Variants in OXR1 observed in about 807,000 individuals in gnomAD.
OXR1 encodes the protein oxidation resistance protein 1.
In OXR1, 41 loss-of-function variants were observed where a neutral mutation model predicts 104.6. That is an observed-to-expected ratio of 0.39 (90% CI 0.31 to 0.51). The LOEUF (loss-of-function observed/expected upper bound fraction) is 0.51. Ranked by LOEUF, OXR1 falls within the 20% of genes least tolerant of loss-of-function variation. The probability of loss-of-function intolerance (pLI) is 0.77; values close to 1 mark genes in which losing one functional copy is unlikely to be tolerated. For missense variants in OXR1, 955 were observed against 1,031.9 expected (o/e 0.93, Z 1.02); for synonymous variants, 348 against 348.4 (o/e 1.00, Z 0.01).
At chr8:106,682,400 C>G (rs1250101059) in intron 4 of OXR1, 1 of 151,098 alleles carries the variant, frequency 6.6e-6, no homozygotes, top group East Asian at 2.0e-4. Context: ...TCCCGAGTAG[C>G]TGGGACTACA....
At chr8:106,714,547 G>T (rs970913859) in intron 11 of OXR1, among the ~76,000 whole-genome samples, 3 of 152,058 alleles carry the variant, frequency 2.0e-5, no homozygotes, top group Non-Finnish European at 4.4e-5. Flanking sequence ...TATATGCTCA[G>T]ATTTACTGAA....
At chr8:106,340,414 T>C (rs2062827) in intron 1 of OXR1, among the ~76,000 whole-genome samples, 33,404 of 152,004 alleles carry the variant, frequency 0.22, 5,987 homozygotes, top group African/African-American at 0.5. Context: ...TTAAAATCCA[T>C]AAATACTTCA....
chr8:106,659,725 C>G (rs796723252), intron 3 of OXR1, among the ~76,000 whole-genome samples: 4 of 152,202 alleles, frequency 2.6e-5, no homozygotes, highest in African/African-American at 7.2e-5. Flanking sequence ...TTCGGTGGCC[C>G]GTGTCTGTAG....
At chr8:106,655,647 A>T (rs1374138101) in intron 3 of OXR1, among the ~76,000 whole-genome samples, 1 of 152,226 alleles carries the variant, frequency 6.6e-6, no homozygotes, top group African/African-American at 2.4e-5. Context: ...TGTAGAAGGC[A>T]AAGTAACATG....
chr8:106,408,035 G>A (rs1461838339), intron 2 of OXR1, among the ~76,000 whole-genome samples: 3 of 152,156 alleles, frequency 2.0e-5, no homozygotes, highest in Non-Finnish European at 2.9e-5. Flanking sequence ...ATTTCTAATT[G>A]TCATGGCTTG....
At chr8:106,697,840 T>TC in intron 7 of OXR1, 2 of 1,612,442 alleles carry the variant, frequency 1.2e-6, no homozygotes, top group South Asian at 2.2e-5. Flanking sequence ...CACCGTGCCA[T>TC]CCTTGAGCCA....
intron 3 of OXR1, among the ~76,000 whole-genome samples, chr8:106,612,367 A>T (rs1033979707): frequency 6.6e-6 from 1 of 152,160 alleles, no homozygotes; most frequent in Non-Finnish European, 1.5e-5. Context: ...CCAAAGCATG[A>T]TTGATGTAAG....
chr8:106,572,573 C>T (rs1047843983), intron 3 of OXR1, among the ~76,000 whole-genome samples: 2 of 152,168 alleles, frequency 1.3e-5, no homozygotes, highest in African/African-American at 2.4e-5. Context: ...TTGGAAATCT[C>T]GTCTGCTGAA....
intron 2 of OXR1, among the ~76,000 whole-genome samples, chr8:106,502,407 G>C (rs1232075540): frequency 6.6e-6 from 1 of 152,162 alleles, no homozygotes; most frequent in Non-Finnish European, 1.5e-5. Context: ...TTGAATAAAG[G>C]AATTCTCAGA....
intron 1 of OXR1, among the ~76,000 whole-genome samples, chr8:106,303,722 T>A (rs2130101185): frequency 6.6e-6 from 1 of 152,328 alleles, no homozygotes; most frequent in African/African-American, 2.4e-5. Flanking sequence ...TAAACTTGTT[T>A]TAATTAAAAT....
At chr8:106,323,730 A>G (rs1481204608) in intron 1 of OXR1, among the ~76,000 whole-genome samples, 2 of 152,252 alleles carry the variant, frequency 1.3e-5, no homozygotes, top group African/African-American at 4.8e-5. Context: ...CAAAGAAGAC[A>G]TACATGTGGC....
At chr8:106,443,087 G>C (rs1819860252) in intron 2 of OXR1, among the ~76,000 whole-genome samples, 1 of 152,106 alleles carries the variant, frequency 6.6e-6, no homozygotes, top group Non-Finnish European at 1.5e-5. Context: ...CTGTGTCCCA[G>C]AGATTCTGGT....
At chr8:106,679,391 C>T in intron 4 of OXR1, 99 bp downstream of exon 4, 6 of 499,024 alleles carry the variant, frequency 1.2e-5, no homozygotes, top group Admixed American at 7.3e-5. Context: ...TTGTTAATTG[C>T]CTTATTTTTA....
chr8:106,523,869 G>A (rs1419345348), intron 3 of OXR1, among the ~76,000 whole-genome samples: 1 of 151,864 alleles, frequency 6.6e-6, no homozygotes. Flanking sequence ...CTACCTCCTG[G>A]GTTCATGCCA....
At chr8:106,591,103 A>G (rs571135569) in intron 3 of OXR1, among the ~76,000 whole-genome samples, 1 of 152,036 alleles carries the variant, frequency 6.6e-6, no homozygotes, top group Non-Finnish European at 1.5e-5. Context: ...AATACTATGC[A>G]GCCATAAAAA....
At chr8:106,604,208 T>A (rs1397528022) in intron 3 of OXR1, among the ~76,000 whole-genome samples, 5 of 152,196 alleles carry the variant, frequency 3.3e-5, no homozygotes, top group African/African-American at 1.2e-4. Context: ...AACCCCTAAC[T>A]AATCTTTAAA....
intron 2 of OXR1, among the ~76,000 whole-genome samples, chr8:106,515,538 A>G (rs1444708424): frequency 2.0e-5 from 3 of 152,076 alleles, no homozygotes; most frequent in Non-Finnish European, 4.4e-5. Flanking sequence ...ATTGTGTGGT[A>G]TTTGTCTTTC....
chr8:106,434,968 A>G (rs558516130), intron 2 of OXR1, among the ~76,000 whole-genome samples: 3 of 152,272 alleles, frequency 2.0e-5, no homozygotes, highest in African/African-American at 7.2e-5. Flanking sequence ...GCTATGAAGC[A>G]TATAACACAG....
chr8:106,511,293 A>T (rs1262449313), intron 2 of OXR1, among the ~76,000 whole-genome samples: 1 of 152,192 alleles, frequency 6.6e-6, no homozygotes, highest in Non-Finnish European at 1.5e-5. Context: ...ATTTTTGAGT[A>T]ACTTGAGACT....
Sources: allele counts gnomAD v4.1 joint callset (sites outside exome capture counted in the v4.1 genomes callset), GRCh38; gene constraint gnomAD v4.1.1; transcripts MANE v1.5; gene names NCBI Gene and HGNC (gene_info 2026-07-23, HGNC 2026-07-21).